SLC25A12: variants seen among roughly 807,000 people sequenced by gnomAD.
SLC25A12 encodes solute carrier family 25 member 12.
Under a neutral mutation model 83.3 loss-of-function variants are expected in SLC25A12, and 32 were observed. That is an observed-to-expected ratio of 0.38 (90% confidence interval 0.29 to 0.52). The LOEUF is 0.52. Ranked by LOEUF, SLC25A12 falls within the 20% of genes least tolerant of loss-of-function variation. The pLI is 0.84. For synonymous variants in SLC25A12, 267 were observed against 291.1 expected (o/e 0.92, Z 0.84); for missense variants, 611 against 835.6 (o/e 0.73, Z 3.31).
At chr2:171,789,965 T>C (rs1683406026) in intron 15 of SLC25A12, among the ~76,000 whole-genome samples, 1 of 151,872 alleles carries the variant, frequency 6.6e-6, no homozygotes. Context: ...CTGCCAAGAC[T>C]GAGCAGGTAA....
chr2:171,874,700 T>TA (rs1296304606), intron 2 of SLC25A12, among the ~76,000 whole-genome samples: 2 of 152,096 alleles, frequency 1.3e-5, no homozygotes, highest in African/African-American at 2.4e-5. Flanking sequence ...TATGCAGCCA[T>TA]AAAAAAGACT....
At position 171,793,177 on chromosome 2, in the gene SLC25A12, T is replaced by G. The variant is rs774091014; in HGVS notation, c.1446+450A>C. 1.2e-4 allele frequency among the ~76,000 whole-genome samples: 18 copies of G among 151,990 alleles called. 1 individual carries two copies. Among genetic ancestry groups the G allele is most frequent in the Non-Finnish European group, 8.8e-5 (6 of 67,990 alleles). ...TTGACAAATCCTACCACTTAACTTC[T>G]TAAAGACCTGAATCCTACCAAACTC... On this transcript the variant is annotated intron_variant, in intron 14 of 17. Transcript: ENST00000422440.
chr2:171,891,958 CAA>C (rs1685948427), intron 2 of SLC25A12, among the ~76,000 whole-genome samples: 1 of 152,216 alleles, frequency 6.6e-6, no homozygotes, highest in Non-Finnish European at 1.5e-5. Context: ...ATAGCTTAAG[CAA>C]ACCACATATC....
chr2:171,884,818 G>A (rs1385032501), intron 2 of SLC25A12, among the ~76,000 whole-genome samples: 3 of 151,854 alleles, frequency 2.0e-5, no homozygotes, highest in African/African-American at 7.3e-5. Flanking sequence ...CCTTCACTGA[G>A]GTCCTTTGTA....
intron 11 of SLC25A12, 140 bp downstream of exon 11, chr2:171,813,199 A>G: frequency 1.2e-6 from 1 of 822,112 alleles, no homozygotes; most frequent in Non-Finnish European, 2.0e-6. Flanking sequence ...AAGGGAAATG[A>G]GCAAAGAGAA....
intron 13 of SLC25A12, among the ~76,000 whole-genome samples, chr2:171,796,491 G>C (rs777371495): frequency 3.3e-5 from 5 of 152,072 alleles, no homozygotes; most frequent in Non-Finnish European, 7.4e-5. Flanking sequence ...GACAATTAAT[G>C]ATTTGTATAT....
At chr2:171,890,418 T>C (rs981197362) in intron 2 of SLC25A12, among the ~76,000 whole-genome samples, 7 of 152,140 alleles carry the variant, frequency 4.6e-5, no homozygotes, top group African/African-American at 9.7e-5. Context: ...GGAATAAAAA[T>C]CTTTTACTTG....
intron 2 of SLC25A12, among the ~76,000 whole-genome samples, chr2:171,889,638 CTT>C (rs1188308101): frequency 2.6e-5 from 4 of 152,224 alleles, no homozygotes; most frequent in African/African-American, 9.6e-5. Flanking sequence ...TGTAAAGAAA[CTT>C]TTTAAATTTC....
intron 1 of SLC25A12, among the ~76,000 whole-genome samples, 190 bp downstream of exon 1, chr2:171,894,013 C>T (rs1685997003): frequency 6.6e-6 from 1 of 152,128 alleles, no homozygotes; most frequent in African/African-American, 2.4e-5. Flanking sequence ...CTCCTCCTTC[C>T]CCTCCCCCAG....
chr2:171,861,983 G>A (rs1685174076), intron 3 of SLC25A12, among the ~76,000 whole-genome samples: 1 of 152,146 alleles, frequency 6.6e-6, no homozygotes, highest in Non-Finnish European at 1.5e-5. Context: ...TGAATTTGGT[G>A]TGTTTTTTAA....
rs868112854 is a variant in SLC25A12, at chr2:171,857,371, A to G, written c.210-1422T>C. Reference sequence around the variant, plus strand: ...GGGCGACAGACCAGACTCTGTCTCAATAAATAATTAAATTAAAATAAAACT... The same window carrying G: ...GGGCGACAGACCAGACTCTGTCTCAGTAAATAATTAAATTAAAATAAAACT... On this transcript the variant is annotated intron_variant, in intron 3 of 17. Coordinates refer to ENST00000422440, the MANE Select transcript of SLC25A12 (RefSeq NM_003705.5). Among the ~76,000 whole-genome samples, 4 of 151,206 alleles carry G rather than the reference A, an allele frequency of 2.6e-5. No homozygotes were observed. In the South Asian group the frequency reaches 8.4e-4, roughly 32 times the overall value.
chr2:171,847,086 G>A (rs1684812965), intron 4 of SLC25A12, among the ~76,000 whole-genome samples: 1 of 151,994 alleles, frequency 6.6e-6, no homozygotes, highest in Non-Finnish European at 1.5e-5. Context: ...TTTATATATG[G>A]TTTTGTTATG....
chr2:171,885,823 A>G (rs1233674993), intron 2 of SLC25A12, among the ~76,000 whole-genome samples: 1 of 152,220 alleles, frequency 6.6e-6, no homozygotes, highest in Non-Finnish European at 1.5e-5. Flanking sequence ...TATTCAATCC[A>G]AATTATGCTG....
chr2:171,818,122 T>G (rs1684093202), intron 9 of SLC25A12, among the ~76,000 whole-genome samples: 1 of 152,196 alleles, frequency 6.6e-6, no homozygotes, highest in African/African-American at 2.4e-5. Context: ...TAATTAATGC[T>G]ATGGATTTCA....
chr2:171,792,443 G>A (rs953505441), intron 14 of SLC25A12, among the ~76,000 whole-genome samples: 2 of 151,132 alleles, frequency 1.3e-5, no homozygotes, highest in Non-Finnish European at 3.0e-5. Context: ...GTGCACCACT[G>A]TGCCGGCTAA....
chr2:171,849,244 T>C (rs1684862511), intron 4 of SLC25A12, among the ~76,000 whole-genome samples: 2 of 152,172 alleles, frequency 1.3e-5, no homozygotes, highest in Non-Finnish European at 2.9e-5. Flanking sequence ...TTATTGAAGC[T>C]AGACACTTCA....
intron 10 of SLC25A12, among the ~76,000 whole-genome samples, chr2:171,814,162 GA>G (rs112920954): frequency 3.4e-5 from 5 of 146,166 alleles, no homozygotes; most frequent in African/African-American, 5.0e-5. Context: ...AGAGTGAAAA[GA>G]AAAAAAAAAG....
chr2:171,794,276 G>C (rs1683551086), intron 13 of SLC25A12, among the ~76,000 whole-genome samples: 1 of 152,046 alleles, frequency 6.6e-6, no homozygotes. Context: ...AAACTACTTT[G>C]GTGCCTTAAG....
intron 9 of SLC25A12, among the ~76,000 whole-genome samples, chr2:171,824,648 T>C (rs1684260331): frequency 1.3e-5 from 2 of 151,806 alleles, no homozygotes; most frequent in African/African-American, 4.8e-5. Flanking sequence ...GTAAGAGCTC[T>C]TTAAATATTT....
Sources: gnomAD v4.1 joint callset for allele counts (sites outside exome capture counted in the v4.1 genomes callset) on GRCh38, gnomAD v4.1.1 for gene constraint, MANE v1.5 for transcripts, NCBI Gene and HGNC (gene_info 2026-07-23, HGNC 2026-07-21) for gene names.